The following LCLAT1 variants were observed in gnomAD, a reference collection of about 807,000 sequenced individuals.
LCLAT1 encodes 1-AGP acyltransferase 8.
Under a neutral mutation model 30.7 loss-of-function variants are expected in LCLAT1, and 11 were observed. The ratio of observed to expected loss-of-function variants is 0.36; its 90% CI spans 0.23 to 0.59. The LOEUF is 0.59. Ranked by LOEUF, LCLAT1 falls within the 20% of genes least tolerant of loss-of-function variation. The pLI, the probability that LCLAT1 is intolerant of heterozygous loss-of-function variation, is 0.77. For synonymous variants in LCLAT1, 155 were observed against 151.3 expected, an observed-to-expected ratio of 1.02 and a Z score of -0.18; for missense variants, 402 against 458.6, an observed-to-expected ratio of 0.88 and a Z score of 1.13.
At chr2:30,449,477 T>C (rs984394161) in intron 1 of LCLAT1, among the ~76,000 whole-genome samples, 31 of 152,262 alleles carry the variant, frequency 2.0e-4, no homozygotes, top group Middle Eastern at 3.4e-3. Flanking sequence ...AAAAGTTATT[T>C]TGAAACAGAG....
chr2:30,586,147 G>T (rs1469319980), intron 5 of LCLAT1, among the ~76,000 whole-genome samples: 1 of 151,600 alleles, frequency 6.6e-6, no homozygotes, highest in Admixed American at 6.6e-5. Context: ...CAGAGGCTGA[G>T]GCAGGGGAAT....
At chr2:30,610,988 T>C (rs1435668476) in intron 5 of LCLAT1, among the ~76,000 whole-genome samples, 3 of 151,276 alleles carry the variant, frequency 2.0e-5, no homozygotes, top group African/African-American at 7.4e-5. Flanking sequence ...AGTTTAATTT[T>C]GTTTTTTTTT....
At chr2:30,481,786 T>C (rs1683336905) in intron 1 of LCLAT1, among the ~76,000 whole-genome samples, 1 of 152,188 alleles carries the variant, frequency 6.6e-6, no homozygotes, top group South Asian at 2.1e-4. Flanking sequence ...TTCATTTCTC[T>C]GGGCAATCAG....
intron 1 of LCLAT1, among the ~76,000 whole-genome samples, chr2:30,466,882 GAA>G (rs1682461870): frequency 6.6e-6 from 1 of 152,048 alleles, no homozygotes; most frequent in African/African-American, 2.4e-5. Flanking sequence ...TGTTTGTTTT[GAA>G]TTACTCTTAG....
chr2:30,582,180 C>T (rs1320141422), intron 5 of LCLAT1, among the ~76,000 whole-genome samples: 1 of 151,272 alleles, frequency 6.6e-6, no homozygotes, highest in Non-Finnish European at 1.5e-5. Flanking sequence ...TCTCCTTTTC[C>T]CCCTTTCCCC....
chr2:30,530,558 G>A (rs1016732580), intron 2 of LCLAT1, among the ~76,000 whole-genome samples: 3 of 152,146 alleles, frequency 2.0e-5, no homozygotes, highest in African/African-American at 7.2e-5. Flanking sequence ...TGTTGTTGTT[G>A]TTGCTTTTTT....
chr2:30,461,015 C>A (rs1485295755), intron 1 of LCLAT1, among the ~76,000 whole-genome samples: 1 of 152,298 alleles, frequency 6.6e-6, no homozygotes, highest in East Asian at 1.9e-4. Context: ...TTGGGCTGTT[C>A]CTGAGTTGTA....
intron 4 of LCLAT1, 61 bp from the exon 5 acceptor site, chr2:30,567,999 T>A (rs1665573530): frequency 1.1e-6 from 1 of 877,000 alleles, no homozygotes; most frequent in South Asian, 1.6e-5. Flanking sequence ...CTGCACTTCT[T>A]TCCTTACCTT....
intron 5 of LCLAT1, among the ~76,000 whole-genome samples, chr2:30,605,250 T>A (rs1354589132): frequency 6.6e-6 from 1 of 152,236 alleles, no homozygotes; most frequent in African/African-American, 2.4e-5. Context: ...TAATTTAAAT[T>A]CAATCATAAT....
chr2:30,574,033 T>G (rs1430803476), intron 5 of LCLAT1, among the ~76,000 whole-genome samples: 1 of 151,946 alleles, frequency 6.6e-6, no homozygotes, highest in African/African-American at 2.4e-5. Flanking sequence ...TCCCAGATAT[T>G]CGGGAGGCTG....
At chr2:30,595,934 T>A (rs149733465) in intron 5 of LCLAT1, among the ~76,000 whole-genome samples, 126 of 152,288 alleles carry the variant, frequency 8.3e-4, no homozygotes, top group Non-Finnish European at 1.5e-3. Flanking sequence ...GGATAATGGC[T>A]TCCAGCTGTA....
intron 1 of LCLAT1, among the ~76,000 whole-genome samples, chr2:30,485,970 G>A (rs969345829): frequency 6.6e-6 from 1 of 152,150 alleles, no homozygotes; most frequent in Non-Finnish European, 1.5e-5. Context: ...TATATTTTGA[G>A]TATAGTTTAT....
chr2:30,615,767 T>G (rs1667967396), intron 5 of LCLAT1, among the ~76,000 whole-genome samples: 1 of 152,172 alleles, frequency 6.6e-6, no homozygotes, highest in African/African-American at 2.4e-5. Context: ...CTTATGCACT[T>G]TGAGTCTGTG....
chr2:30,608,128 C>A (rs1323782134), intron 5 of LCLAT1, among the ~76,000 whole-genome samples: 1 of 151,772 alleles, frequency 6.6e-6, no homozygotes, highest in African/African-American at 2.4e-5. Context: ...CAAGACTAGC[C>A]TGGCCAACAA....
chr2:30,494,530 GCATA>G (rs1683997838), intron 1 of LCLAT1, among the ~76,000 whole-genome samples: 1 of 145,734 alleles, frequency 6.9e-6, no homozygotes, highest in Non-Finnish European at 1.5e-5. Flanking sequence ...CTATATTTTT[GCATA>G]CATACATGCA....
intron 1 of LCLAT1, among the ~76,000 whole-genome samples, chr2:30,463,104 A>T (rs1682245675): frequency 6.6e-6 from 1 of 151,994 alleles, no homozygotes; most frequent in South Asian, 2.1e-4. Flanking sequence ...CTCTCTTAAT[A>T]AAAAAAGTCA....
intron 1 of LCLAT1, among the ~76,000 whole-genome samples, chr2:30,518,050 TAGA>T (rs1281774259): frequency 1.3e-5 from 2 of 152,118 alleles, no homozygotes; most frequent in African/African-American, 4.8e-5. Flanking sequence ...CAGAAGAAAG[TAGA>T]AGAATAACTT....
chr2:30,560,280 T>TG (rs1665136349), intron 3 of LCLAT1, among the ~76,000 whole-genome samples: 1 of 127,758 alleles, frequency 7.8e-6, no homozygotes. Flanking sequence ...CCAAATAAAG[T>TG]GTGGTGTGTG....
At chr2:30,575,981 G>A (rs760492315) in intron 5 of LCLAT1, among the ~76,000 whole-genome samples, 5 of 152,054 alleles carry the variant, frequency 3.3e-5, no homozygotes, top group East Asian at 1.9e-4. Flanking sequence ...TAATTACTGC[G>A]TGTCTTATGG....
Sources: gnomAD v4.1 joint callset for allele counts (sites outside exome capture counted in the v4.1 genomes callset) on GRCh38, gnomAD v4.1.1 for gene constraint, MANE v1.5 for transcripts, NCBI Gene and HGNC (gene_info 2026-07-23, HGNC 2026-07-21) for gene names.